ZNF182: variants seen among roughly 807,000 people sequenced by gnomAD.
ZNF182 encodes the protein zinc finger protein 21 (KOX 14).
A neutral mutation model predicts 28.1 loss-of-function variants in ZNF182; 10 were observed. That is an observed-to-expected ratio of 0.36 (90% CI 0.22 to 0.60). ZNF182 has a LOEUF of 0.60. Among genes scored for constraint, ZNF182 ranks in the 20% least tolerant of loss-of-function variants. The pLI is 0.75. For synonymous variants in ZNF182, 156 were observed against 158.7 expected, an observed-to-expected ratio of 0.98 and a Z score of 0.13; for missense variants, 352 against 453.2, an observed-to-expected ratio of 0.78 and a Z score of 2.03.
chrX:47,988,346 A>AG (rs1316655104), intron 3 of ZNF182, among the ~76,000 whole-genome samples: 2 of 110,590 alleles, frequency 1.8e-5, no homozygotes, highest in African/African-American at 6.6e-5. Context: ...CCAGTGTTAA[A>AG]GGGAGGGCAT....
intron 3 of ZNF182, among the ~76,000 whole-genome samples, chrX:48,001,413 A>G (rs1197634296): frequency 8.9e-6 from 1 of 112,472 alleles, no homozygotes; most frequent in African/African-American, 3.2e-5. Context: ...AATTGTGCTG[A>G]GTGGAAACAA....
intron 5 of ZNF182, 85 bp downstream of exon 5, chrX:47,982,864 C>A: frequency 1.1e-6 from 1 of 916,241 alleles, no homozygotes; most frequent in Admixed American, 2.4e-5. Context: ...CTAAGATATT[C>A]CTGAAAGCCC....
At chrX:48,000,082 G>A (rs1159496056) in intron 3 of ZNF182, among the ~76,000 whole-genome samples, 1 of 110,682 alleles carries the variant, frequency 9.0e-6, no homozygotes, top group Non-Finnish European at 1.9e-5. Flanking sequence ...GTTGCAGTGA[G>A]CTGAGATCGC....
chrX:47,996,115 T>G (rs988311561), intron 3 of ZNF182, among the ~76,000 whole-genome samples: 1 of 112,423 alleles, frequency 8.9e-6, no homozygotes, highest in Non-Finnish European at 1.9e-5. Flanking sequence ...AGATTATCCT[T>G]GAGTTCTTTA....
chrX:47,992,357 G>C (rs1396172642), intron 3 of ZNF182, among the ~76,000 whole-genome samples: 1 of 111,393 alleles, frequency 9.0e-6, no homozygotes, highest in Admixed American at 9.5e-5. Context: ...CCTAAATGTG[G>C]TCGACTCAGA....
chrX:47,992,705 G>A (rs1271134909), intron 3 of ZNF182, among the ~76,000 whole-genome samples: 3 of 111,470 alleles, frequency 2.7e-5, no homozygotes, highest in Non-Finnish European at 3.8e-5. Flanking sequence ...GGACCTGTGA[G>A]GAATGTGCTA....
At chrX:47,995,855 T>C (rs1466005765) in intron 3 of ZNF182, among the ~76,000 whole-genome samples, 1 of 112,467 alleles carries the variant, frequency 8.9e-6, no homozygotes, top group Non-Finnish European at 1.9e-5. Context: ...TGGAACAGCA[T>C]TGTGAAAGTT....
rs200901185 is a variant in ZNF182, at chrX:47,977,232, T to C, written c.798A>G (p.Thr266=). The C allele has an allele frequency of 3.9e-4, 470 of 1,208,131 alleles. 2 individuals carry two copies. The highest frequency in any genetic ancestry group is 2.9e-3 in the South Asian group (163 of 56,135). The stretch of plus-strand genomic sequence containing the variant: ...CAGGACACTCAAAGGGTCTCTCTCC[T>C]GTATGAGTTCGCAAGTGTATAATGA... ...SQLIIHLRTH[T]GERPFECPEC... Residue 266 remains threonine, a synonymous_variant, in exon 6 of 6, where the codon ACA becomes ACG. Coordinates refer to ENST00000376943, the MANE Select transcript of ZNF182 (RefSeq NM_001007088.2).
intron 3 of ZNF182, among the ~76,000 whole-genome samples, chrX:47,992,923 A>G (rs1212244644): frequency 9.5e-6 from 1 of 104,892 alleles, no homozygotes; most frequent in Non-Finnish European, 2.0e-5. Context: ...GTCATGGGTC[A>G]GACACAGGCA....
At chrX:47,979,906 T>TGTGTG (rs2058899214) in intron 5 of ZNF182, among the ~76,000 whole-genome samples, 5 of 102,776 alleles carry the variant, frequency 4.9e-5, no homozygotes, top group African/African-American at 7.1e-5. Flanking sequence ...TGTGTGTGTG[T>TGTGTG]TATGGTATAA....
At chrX:48,000,720 G>C (rs2058976009) in intron 3 of ZNF182, among the ~76,000 whole-genome samples, 1 of 111,703 alleles carries the variant, frequency 9.0e-6, no homozygotes, top group Non-Finnish European at 1.9e-5. Flanking sequence ...TTCATAAATT[G>C]GAAATTTTCC....
intron 2 of ZNF182, 53 bp downstream of exon 2, chrX:48,003,455 G>A (rs1056542416): frequency 8.9e-6 from 1 of 112,234 alleles, no homozygotes; most frequent in Admixed American, 9.4e-5. Flanking sequence ...CAACTTGGGC[G>A]AGGCCCGGGG....
chrX:47,981,876 G>A (rs1321204705), intron 5 of ZNF182, among the ~76,000 whole-genome samples: 2 of 101,115 alleles, frequency 2.0e-5, no homozygotes, highest in African/African-American at 3.6e-5. Context: ...CTCCAGCCTG[G>A]GCAACAGAGC....
At chrX:47,986,996 G>A (rs1053144183) in intron 3 of ZNF182, among the ~76,000 whole-genome samples, 1 of 111,735 alleles carries the variant, frequency 8.9e-6, no homozygotes, top group Non-Finnish European at 1.9e-5. Context: ...TGGCTTCCTT[G>A]CTCCTCAGCT....
intron 3 of ZNF182, among the ~76,000 whole-genome samples, chrX:47,999,682 T>C (rs781815452): frequency 9.8e-5 from 11 of 112,045 alleles, no homozygotes; most frequent in African/African-American, 2.9e-4. Flanking sequence ...ATTTAGTGCA[T>C]ATTTTCAAAT....
chrX:47,997,922 A>G (rs2058964717), intron 3 of ZNF182, among the ~76,000 whole-genome samples: 2 of 111,887 alleles, frequency 1.8e-5, no homozygotes, highest in Non-Finnish European at 3.8e-5. Context: ...AATCTGCAAT[A>G]ATAACTGTAT....
intron 3 of ZNF182, among the ~76,000 whole-genome samples, chrX:47,987,723 C>T (rs5953136): frequency 0.066 from 7,330 of 111,588 alleles, 328 homozygotes; most frequent in African/African-American, 0.16. Flanking sequence ...TATATATGTA[C>T]ATACACACAT....
At chrX:48,002,549 C>T (rs1556902027) in intron 3 of ZNF182, 46 bp downstream of exon 3, 1 of 1,201,581 alleles carries the variant, frequency 8.3e-7, no homozygotes, top group Admixed American at 2.2e-5. Context: ...TATTTCGTCA[C>T]ATCCACAGTA....
chrX:47,991,526 C>T (rs1055156565), intron 3 of ZNF182, among the ~76,000 whole-genome samples: 2 of 112,311 alleles, frequency 1.8e-5, no homozygotes, highest in East Asian at 5.5e-4. Flanking sequence ...GTGAAAACCA[C>T]GAGGTGGCAA....
Sources: gnomAD v4.1 joint callset for allele counts (sites outside exome capture counted in the v4.1 genomes callset) on GRCh38, gnomAD v4.1.1 for gene constraint, MANE v1.5 for transcripts, NCBI Gene and HGNC (gene_info 2026-07-23, HGNC 2026-07-21) for gene names.